Variants in MEGF11 observed in about 807,000 individuals in gnomAD.
MEGF11 encodes multiple epidermal growth factor-like domains protein 11.
Under a neutral mutation model 146.6 loss-of-function variants are expected in MEGF11, and 126 were observed. The observed-to-expected ratio is 0.86, with a 90% confidence interval of 0.74 to 1.00. MEGF11 has a LOEUF of 1.00. Ranked by LOEUF, MEGF11 falls within the 50% of genes least tolerant of loss-of-function variation. The pLI, the probability that MEGF11 is intolerant of heterozygous loss-of-function variation, is 0.00. For synonymous variants in MEGF11, 532 were observed against 583.4 expected (o/e 0.91, Z 1.27); for missense variants, 1,509 against 1,521.2 (o/e 0.99, Z 0.13).
At chr15:66,093,940 A>G (rs2086427489) in intron 5 of MEGF11, among the ~76,000 whole-genome samples, 1 of 152,154 alleles carries the variant, frequency 6.6e-6, no homozygotes, top group Admixed American at 6.5e-5. Context: ...AATTTTGGGG[A>G]CACAGAGACA....
intron 5 of MEGF11, among the ~76,000 whole-genome samples, chr15:66,058,177 C>T (rs1426196569): frequency 6.6e-6 from 1 of 151,942 alleles, no homozygotes; most frequent in Non-Finnish European, 1.5e-5. Flanking sequence ...GGGCCATATC[C>T]CTGCAAGATG....
intron 4 of MEGF11, among the ~76,000 whole-genome samples, chr15:66,104,200 G>A (rs568674832): frequency 6.6e-6 from 1 of 152,346 alleles, no homozygotes; most frequent in Non-Finnish European, 1.5e-5. Flanking sequence ...GGGCTGATGG[G>A]TCCCAACAAG....
rs547772926 is a variant in MEGF11, at chr15:66,235,078, AT to A, written c.-9+18526del. 9.8e-5 allele frequency among the ~76,000 whole-genome samples: 15 copies of A among 152,324 alleles called. 1 individual carries two copies. In the East Asian group the frequency reaches 2.9e-3, roughly 29 times the overall value. Reference sequence around the variant, plus strand: ...GGCGCCACGCTTTCCCTGAAAACCCATTTCAGAGTCTCCTATTTTTTGAAGA... The same window carrying A: ...GGCGCCACGCTTTCCCTGAAAACCCATTCAGAGTCTCCTATTTTTTGAAGA... On this transcript the variant is annotated intron_variant, in intron 1 of 25. Coordinates refer to ENST00000395614, the MANE Select transcript of MEGF11 (RefSeq NM_001385028.1).
chr15:66,174,128 AC>A (rs1225771308), intron 1 of MEGF11, among the ~76,000 whole-genome samples: 9 of 152,334 alleles, frequency 5.9e-5, no homozygotes, highest in Non-Finnish European at 1.0e-4. Flanking sequence ...GGGATTGAGA[AC>A]CCACGAAAAC....
At chr15:65,914,257 A>G in intron 19 of MEGF11, 1 of 520,428 alleles carries the variant, frequency 1.9e-6, no homozygotes, top group Non-Finnish European at 3.4e-6. Context: ...ATATTAATTC[A>G]TTTACTCTTC....
At chr15:66,027,960 G>A (rs1043514907) in intron 5 of MEGF11, among the ~76,000 whole-genome samples, 2 of 152,242 alleles carry the variant, frequency 1.3e-5, no homozygotes, top group African/African-American at 4.8e-5. Context: ...AATATTCAGG[G>A]TCAAAAAAGA....
chr15:66,025,165 T>A (rs1342441137), intron 5 of MEGF11, among the ~76,000 whole-genome samples: 1 of 152,156 alleles, frequency 6.6e-6, no homozygotes, highest in Non-Finnish European at 1.5e-5. Flanking sequence ...CAAATTGAAC[T>A]CTCTCTTCCA....
intron 10 of MEGF11, among the ~76,000 whole-genome samples, chr15:65,948,054 C>T (rs1447687960): frequency 1.3e-5 from 2 of 152,166 alleles, no homozygotes; most frequent in Non-Finnish European, 2.9e-5. Context: ...ATTTTCCCTA[C>T]TTTGCTCTGT....
At chr15:66,226,405 G>A (rs1323173903) in intron 1 of MEGF11, among the ~76,000 whole-genome samples, 3 of 151,994 alleles carry the variant, frequency 2.0e-5, no homozygotes, top group Non-Finnish European at 2.9e-5. Context: ...GTGCCACCAC[G>A]CCTGGCTAAT....
intron 5 of MEGF11, among the ~76,000 whole-genome samples, chr15:66,059,941 T>C (rs896715492): frequency 2.0e-5 from 3 of 151,722 alleles, no homozygotes; most frequent in African/African-American, 7.3e-5. Context: ...CCTGGGAAGG[T>C]TGGGCAGCAC....
intron 1 of MEGF11, among the ~76,000 whole-genome samples, chr15:66,232,409 C>G (rs34026282): frequency 6.6e-6 from 1 of 152,092 alleles, no homozygotes; most frequent in South Asian, 2.1e-4. Flanking sequence ...AGCTGTGCTG[C>G]GAGAGACTCA....
chr15:66,219,767 G>C (rs1358167712), intron 1 of MEGF11, among the ~76,000 whole-genome samples: 5 of 151,986 alleles, frequency 3.3e-5, no homozygotes, highest in Admixed American at 2.0e-4. Flanking sequence ...ATTTATCCCA[G>C]AGATAATCTT....
At chr15:65,937,405 C>T (rs1039206705) in intron 10 of MEGF11, among the ~76,000 whole-genome samples, 7 of 152,228 alleles carry the variant, frequency 4.6e-5, no homozygotes, top group African/African-American at 2.4e-5. Flanking sequence ...CCTAAAATCA[C>T]CATCCGGAAT....
chr15:66,246,801 G>GATTCT (rs1246423891), intron 1 of MEGF11, among the ~76,000 whole-genome samples: 3 of 152,014 alleles, frequency 2.0e-5, no homozygotes, highest in Admixed American at 1.3e-4. Flanking sequence ...ACAGGAGTAC[G>GATTCT]ATTCTATCTC....
chr15:66,100,107 G>C (rs2086726546), intron 4 of MEGF11, among the ~76,000 whole-genome samples: 1 of 152,206 alleles, frequency 6.6e-6, no homozygotes, highest in Non-Finnish European at 1.5e-5. Flanking sequence ...TGTACCCCAA[G>C]GTCCCCCTGC....
At chr15:66,078,966 C>G (rs2085715699) in intron 5 of MEGF11, among the ~76,000 whole-genome samples, 1 of 152,228 alleles carries the variant, frequency 6.6e-6, no homozygotes, top group South Asian at 2.1e-4. Flanking sequence ...AGACCCCAGG[C>G]TATCCCGTTT....
chr15:66,233,513 G>C (rs536713666), intron 1 of MEGF11, among the ~76,000 whole-genome samples: 3 of 152,290 alleles, frequency 2.0e-5, no homozygotes, highest in African/African-American at 7.2e-5. Flanking sequence ...TGGGATGACA[G>C]GCATGAGCTA....
At chr15:65,925,619 A>G (rs2079345089) in intron 13 of MEGF11, among the ~76,000 whole-genome samples, 1 of 152,192 alleles carries the variant, frequency 6.6e-6, no homozygotes, top group Non-Finnish European at 1.5e-5. Context: ...AGTTTTCGCT[A>G]CAGTTGGATA....
chr15:65,981,052 G>C (rs1490663889), intron 6 of MEGF11, among the ~76,000 whole-genome samples, 154 bp from the exon 7 acceptor site: 2 of 152,226 alleles, frequency 1.3e-5, no homozygotes, highest in Non-Finnish European at 2.9e-5. Flanking sequence ...CTGCCAGGAG[G>C]GGGAAGCAAG....
Sources: allele counts gnomAD v4.1 joint callset (sites outside exome capture counted in the v4.1 genomes callset), GRCh38; gene constraint gnomAD v4.1.1; transcripts MANE v1.5; gene names NCBI Gene and HGNC (gene_info 2026-07-23, HGNC 2026-07-21).